The following TMEM135 variants were observed in gnomAD, a reference collection of about 807,000 sequenced individuals.
The protein encoded by TMEM135 is peroxisomal membrane protein 52.
Under a neutral mutation model 60.3 loss-of-function variants are expected in TMEM135, and 30 were observed. The observed-to-expected ratio is 0.50, with a 90% CI of 0.37 to 0.68. The LOEUF (loss-of-function observed/expected upper bound fraction) is 0.68. TMEM135 is among the 30% of genes least tolerant of loss of function. TMEM135 has a pLI of 0.00. For missense variants in TMEM135, 468 were observed against 548.8 expected (o/e 0.85, Z 1.47); for synonymous variants, 190 against 186.7 (o/e 1.02, Z -0.14).
intron 6 of TMEM135, among the ~76,000 whole-genome samples, chr11:87,286,765 A>C (rs1187075479): frequency 1.3e-5 from 2 of 152,224 alleles, no homozygotes; most frequent in Non-Finnish European, 2.9e-5. Context: ...TAAACTTTTC[A>C]ATTGTATTCA....
chr11:87,125,480 T>G (rs947353618), intron 4 of TMEM135, among the ~76,000 whole-genome samples: 1 of 152,168 alleles, frequency 6.6e-6, no homozygotes, highest in African/African-American at 2.4e-5. Context: ...AAGAGTGTAA[T>G]GAATAATAAG....
At chr11:87,156,143 A>C (rs1217452729) in intron 4 of TMEM135, among the ~76,000 whole-genome samples, 2 of 152,100 alleles carry the variant, frequency 1.3e-5, no homozygotes, top group African/African-American at 4.8e-5. Context: ...CAATAGTCTT[A>C]TTACCCTGGT....
intron 6 of TMEM135, among the ~76,000 whole-genome samples, chr11:87,262,476 G>T (rs983391237): frequency 6.6e-6 from 1 of 152,112 alleles, no homozygotes; most frequent in South Asian, 2.1e-4. Flanking sequence ...CTTTGAGGTG[G>T]AACACCTTTT....
At chr11:87,202,187 G>A (rs749043355) in intron 5 of TMEM135, among the ~76,000 whole-genome samples, 20 of 152,040 alleles carry the variant, frequency 1.3e-4, no homozygotes, top group South Asian at 4.2e-4. Context: ...CACCACTCCT[G>A]GCTAATTTTT....
intron 12 of TMEM135, 130 bp downstream of exon 12, chr11:87,314,677 G>T (rs778115622): frequency 5.5e-6 from 4 of 721,082 alleles, no homozygotes; most frequent in Non-Finnish European, 9.6e-6. Context: ...TTGCAAAGTT[G>T]ATTCCCCTGT....
intron 5 of TMEM135, among the ~76,000 whole-genome samples, chr11:87,212,604 C>A (rs1302884600): frequency 2.0e-5 from 3 of 151,878 alleles, no homozygotes; most frequent in Non-Finnish European, 4.4e-5. Context: ...GGTGGATCAC[C>A]TGAGCTCAGG....
intron 5 of TMEM135, among the ~76,000 whole-genome samples, chr11:87,185,913 C>CTTTTTTT (rs367985910): frequency 7.2e-6 from 1 of 138,854 alleles, no homozygotes; most frequent in Non-Finnish European, 1.6e-5. Flanking sequence ...AGTTATCCTT[C>CTTTTTTT]TTTTTTTTTT....
chr11:87,212,288 G>A (rs992007187), intron 5 of TMEM135, among the ~76,000 whole-genome samples: 3 of 151,386 alleles, frequency 2.0e-5, no homozygotes, highest in African/African-American at 4.9e-5. Flanking sequence ...AATACCTCTC[G>A]CCCCAATTGT....
chr11:87,212,070 G>T (rs1019628967), intron 5 of TMEM135, among the ~76,000 whole-genome samples: 3 of 152,162 alleles, frequency 2.0e-5, no homozygotes, highest in African/African-American at 7.2e-5. Flanking sequence ...TTATTTAGAG[G>T]AGATATTGTA....
intron 6 of TMEM135, among the ~76,000 whole-genome samples, chr11:87,248,735 A>G (rs1941350080): frequency 1.3e-5 from 2 of 152,124 alleles, no homozygotes; most frequent in African/African-American, 4.8e-5. Context: ...ACTGATTCTT[A>G]TAATCTATGA....
chr11:87,243,934 T>A (rs1435600459), intron 6 of TMEM135, among the ~76,000 whole-genome samples: 1 of 78,752 alleles, frequency 1.3e-5, no homozygotes, highest in Non-Finnish European at 3.1e-5. Flanking sequence ...GTGCCAGTTT[T>A]CAAAGGTAAT....
chr11:87,176,498 T>C (rs1257723451), intron 5 of TMEM135, among the ~76,000 whole-genome samples: 1 of 152,164 alleles, frequency 6.6e-6, no homozygotes, highest in Non-Finnish European at 1.5e-5. Context: ...GAGTTTGCTA[T>C]ATAATGGCAA....
chr11:87,150,237 A>AAAG (rs1938524101), intron 4 of TMEM135, among the ~76,000 whole-genome samples: 3 of 144,946 alleles, frequency 2.1e-5, no homozygotes, highest in African/African-American at 5.3e-5. Context: ...AAAAAAAAAG[A>AAAG]AAAAAAGTGA....
intron 10 of TMEM135, among the ~76,000 whole-genome samples, chr11:87,310,399 A>G (rs1942621312): frequency 6.6e-6 from 1 of 152,112 alleles, no homozygotes; most frequent in Non-Finnish European, 1.5e-5. Context: ...TATAATCTCT[A>G]AATGGTAAAG....
chr11:87,074,999 A>G (rs908091684), intron 3 of TMEM135, among the ~76,000 whole-genome samples: 2 of 152,060 alleles, frequency 1.3e-5, no homozygotes, highest in African/African-American at 2.4e-5. Flanking sequence ...GAATGCAGTG[A>G]TGTGATCATA....
At chr11:87,256,199 G>A (rs573771409) in intron 6 of TMEM135, among the ~76,000 whole-genome samples, 1 of 152,048 alleles carries the variant, frequency 6.6e-6, no homozygotes, top group South Asian at 2.1e-4. Context: ...TATTATTAGA[G>A]GATCCATTAT....
At chr11:87,222,015 C>T (rs1027282210) in intron 5 of TMEM135, among the ~76,000 whole-genome samples, 5 of 151,346 alleles carry the variant, frequency 3.3e-5, no homozygotes, top group Non-Finnish European at 7.4e-5. Flanking sequence ...AACCCCGTCT[C>T]TACTAAAAAT....
intron 5 of TMEM135, among the ~76,000 whole-genome samples, chr11:87,205,824 C>T (rs1337461382): frequency 6.6e-6 from 1 of 152,094 alleles, no homozygotes; most frequent in African/African-American, 2.4e-5. Flanking sequence ...ACATTCTCTG[C>T]CTCTCACTGT....
At chr11:87,151,015 G>A (rs542506837) in intron 4 of TMEM135, among the ~76,000 whole-genome samples, 2 of 152,150 alleles carry the variant, frequency 1.3e-5, no homozygotes, top group African/African-American at 2.4e-5. Context: ...CAAATTTTAA[G>A]GCATTATTTT....
Sources: allele counts gnomAD v4.1 joint callset (sites outside exome capture counted in the v4.1 genomes callset), GRCh38; gene constraint gnomAD v4.1.1; transcripts MANE v1.5; gene names NCBI Gene and HGNC (gene_info 2026-07-23, HGNC 2026-07-21).